Variants in HS6ST3 observed in about 807,000 individuals in gnomAD.
HS6ST3 encodes heparan sulfate 6-O-sulfotransferase 3, also known as heparan-sulfate 6-O-sulfotransferase 3.
HS6ST3 carries 12 observed loss-of-function variants against 36.7 expected under a neutral mutation model. That is an observed-to-expected ratio of 0.33 (90% CI 0.21 to 0.53). The LOEUF (loss-of-function observed/expected upper bound fraction) is 0.53. Among genes scored for constraint, HS6ST3 ranks in the 20% least tolerant of loss-of-function variants. The pLI is 0.95. For missense variants in HS6ST3, 584 were observed against 640.9 expected (o/e 0.91, Z 0.96); for synonymous variants, 240 against 257.5 (o/e 0.93, Z 0.65).
At chr13:96,414,173 T>C (rs1357376906) in intron 1 of HS6ST3, among the ~76,000 whole-genome samples, 2 of 152,188 alleles carry the variant, frequency 1.3e-5, no homozygotes, top group African/African-American at 4.8e-5. Flanking sequence ...TTTGATAGTG[T>C]GTATTAAGGA....
intron 1 of HS6ST3, among the ~76,000 whole-genome samples, chr13:96,281,342 G>A (rs1377760864): frequency 2.6e-5 from 4 of 152,080 alleles, no homozygotes; most frequent in Non-Finnish European, 5.9e-5. Context: ...ATTGCTTTGA[G>A]CTCTGTAAAG....
chr13:96,724,607 A>G (rs1159883422), intron 1 of HS6ST3, among the ~76,000 whole-genome samples: 1 of 152,194 alleles, frequency 6.6e-6, no homozygotes, highest in African/African-American at 2.4e-5. Context: ...ACTGTTATAG[A>G]AATGAAATTA....
intron 1 of HS6ST3, among the ~76,000 whole-genome samples, chr13:96,721,146 T>G (rs1426160173): frequency 6.6e-6 from 1 of 152,342 alleles, no homozygotes; most frequent in East Asian, 1.9e-4. Context: ...ATAATTCCTC[T>G]TGTTATTGAA....
chr13:96,146,931 G>A (rs1819361756), intron 1 of HS6ST3, among the ~76,000 whole-genome samples: 1 of 152,192 alleles, frequency 6.6e-6, no homozygotes, highest in African/African-American at 2.4e-5. Context: ...GGAGAATTCA[G>A]CTGCAAAAGA....
chr13:96,353,673 C>G lies in HS6ST3; in HGVS notation c.707+262104C>G, dbSNP rs958697937. On this transcript the variant is annotated intron_variant, in intron 1 of 1. Coordinates refer to ENST00000376705, the MANE Select transcript of HS6ST3 (RefSeq NM_153456.4). ...TCATAAGTAATCAAAAGATAAATAA[C>G]AAACTAGGGAAAAACATATACCTTT... Among the ~76,000 whole-genome samples, 3 of 151,260 alleles carry G rather than the reference C, an allele frequency of 2.0e-5. No individual in the cohort carries two copies. In the South Asian group the frequency reaches 6.2e-4, roughly 31 times the overall value.
intron 1 of HS6ST3, among the ~76,000 whole-genome samples, chr13:96,475,611 C>T (rs1235099503): frequency 1.7e-5 from 2 of 120,844 alleles, no homozygotes; most frequent in African/African-American, 8.0e-5. Flanking sequence ...CGGAGTACTA[C>T]CAAAAAAAAA....
intron 1 of HS6ST3, among the ~76,000 whole-genome samples, chr13:96,132,216 G>A (rs574315388): frequency 1.3e-5 from 2 of 150,968 alleles, no homozygotes; most frequent in African/African-American, 4.9e-5. Context: ...AGACATGTGG[G>A]TTAATTCTGT....
chr13:96,558,887 G>A (rs1259469753), intron 1 of HS6ST3, among the ~76,000 whole-genome samples: 1 of 152,014 alleles, frequency 6.6e-6, no homozygotes, highest in Non-Finnish European at 1.5e-5. Flanking sequence ...ACACAGATTG[G>A]TGAATATTAA....
At chr13:96,594,213 A>G (rs768078832) in intron 1 of HS6ST3, among the ~76,000 whole-genome samples, 67 of 151,634 alleles carry the variant, frequency 4.4e-4, no homozygotes, top group Non-Finnish European at 7.1e-4. Context: ...TTCAGGTGAT[A>G]TGCCGGCTTG....
intron 1 of HS6ST3, among the ~76,000 whole-genome samples, chr13:96,346,236 C>T (rs2139428535): frequency 6.6e-6 from 1 of 152,220 alleles, no homozygotes; most frequent in Non-Finnish European, 1.5e-5. Context: ...GTTAAGTTAT[C>T]TATTGGAACT....
chr13:96,641,253 T>C (rs2056569124), intron 1 of HS6ST3, among the ~76,000 whole-genome samples: 1 of 151,964 alleles, frequency 6.6e-6, no homozygotes, highest in Admixed American at 6.6e-5. Flanking sequence ...GATGTATTCC[T>C]AGGTACTTTT....
chr13:96,777,371 A>G (rs1877413942), intron 1 of HS6ST3, among the ~76,000 whole-genome samples: 1 of 152,222 alleles, frequency 6.6e-6, no homozygotes, highest in African/African-American at 2.4e-5. Context: ...TCAAATAGGA[A>G]GAGAGGAAGT....
intron 1 of HS6ST3, among the ~76,000 whole-genome samples, chr13:96,665,973 A>G (rs1566424908): frequency 6.6e-6 from 1 of 152,196 alleles, no homozygotes; most frequent in Non-Finnish European, 1.5e-5. Flanking sequence ...ATACGAATAC[A>G]TAGTAGGTGC....
intron 1 of HS6ST3, among the ~76,000 whole-genome samples, chr13:96,328,497 A>T (rs1367444955): frequency 2.0e-5 from 3 of 151,952 alleles, no homozygotes; most frequent in African/African-American, 7.3e-5. Context: ...TGATTTGCGT[A>T]TGTTGAACCA....
At chr13:96,174,853 A>C (rs1396485053) in intron 1 of HS6ST3, among the ~76,000 whole-genome samples, 1 of 152,118 alleles carries the variant, frequency 6.6e-6, no homozygotes, top group Non-Finnish European at 1.5e-5. Flanking sequence ...CTTGAAAAAG[A>C]TGTGTATTCC....
chr13:96,675,064 T>C lies in HS6ST3; in HGVS notation c.708-157426T>C, dbSNP rs530094960. 5.1e-4 allele frequency among the ~76,000 whole-genome samples: 77 copies of C among 152,264 alleles called. 1 individual carries two copies. In the South Asian group the frequency reaches 8.5e-3, roughly 17 times the overall value. ...GCTGTGCTCAGTCTAAGTTCAGGCC[T>C]GCAAACCTTTATTACAGGAGTCCAG... On this transcript the variant is annotated intron_variant, in intron 1 of 1. Coordinates refer to ENST00000376705, the MANE Select transcript of HS6ST3 (RefSeq NM_153456.4).
chr13:96,141,696 A>G (rs965174575), intron 1 of HS6ST3, among the ~76,000 whole-genome samples: 3 of 152,108 alleles, frequency 2.0e-5, no homozygotes, highest in African/African-American at 7.2e-5. Context: ...TGAGTTCAAC[A>G]CTGAAGGTTC....
At chr13:96,388,140 T>G (rs971479119) in intron 1 of HS6ST3, among the ~76,000 whole-genome samples, 1 of 152,196 alleles carries the variant, frequency 6.6e-6, no homozygotes, top group African/African-American at 2.4e-5. Context: ...CACATCCAAA[T>G]TAGTGTGTAT....
chr13:96,314,256 A>T (rs2054956542), intron 1 of HS6ST3, among the ~76,000 whole-genome samples: 1 of 152,150 alleles, frequency 6.6e-6, no homozygotes, highest in South Asian at 2.1e-4. Flanking sequence ...CCCAGGCTGG[A>T]GTACAAGTGT....
Sources: allele counts gnomAD v4.1 joint callset (sites outside exome capture counted in the v4.1 genomes callset), GRCh38; gene constraint gnomAD v4.1.1; transcripts MANE v1.5; gene names NCBI Gene and HGNC (gene_info 2026-07-23, HGNC 2026-07-21).